MAPT: variants seen among roughly 807,000 people sequenced by gnomAD.
MAPT encodes microtubule-associated protein tau.
In MAPT, 34 loss-of-function variants were observed where a neutral mutation model predicts 67.9. The ratio of observed to expected loss-of-function variants is 0.50; its 90% CI spans 0.38 to 0.67. The LOEUF (loss-of-function observed/expected upper bound fraction) is 0.67, where lower values mean the gene tolerates loss of function less well. MAPT is among the 30% of genes least tolerant of loss of function. MAPT has a pLI of 0.00. For missense variants in MAPT, 881 were observed against 1,115.2 expected, an observed-to-expected ratio of 0.79 and a Z score of 2.99; for synonymous variants, 456 against 464.5, an observed-to-expected ratio of 0.98 and a Z score of 0.23.
chr17:46,014,292 G>A lies in MAPT; in HGVS notation c.2141G>A (p.Cys714Tyr), dbSNP rs1445626950. 6.2e-7 allele frequency: 1 copy of A among 1,613,968 alleles called. No individual in the cohort carries two copies. Among genetic ancestry groups the A allele is most frequent in the African/African-American group, 1.3e-5 (1 of 74,924 alleles). The change falls in exon 11 of 13, where the codon TGT (cysteine) becomes TAT (tyrosine). Residue 714 changes from cysteine to tyrosine, a missense_variant. Cys to Tyr is a radical substitution (Grantham distance 194). Transcript: ENST00000262410. The stretch of plus-strand genomic sequence containing the variant: ...GACCTGAGCAAGGTGACCTCCAAGT[G>A]TGGCTCATTAGGCAACATCCATCAT... ...PVDLSKVTSKCGSLGNIHHKP... is the reference protein window; with the variant it reads ...PVDLSKVTSKYGSLGNIHHKP...
chr17:45,961,322 A>G (rs1007766137), intron 1 of MAPT, among the ~76,000 whole-genome samples: 6 of 152,090 alleles, frequency 3.9e-5, no homozygotes, highest in Non-Finnish European at 8.8e-5. Context: ...GCTTTTGGGG[A>G]AGAAGGGTGT....
At position 45,996,503 on chromosome 17, in the gene MAPT, C is replaced by T. The variant is rs374286863; in HGVS notation, c.1837C>T (p.Arg613Trp). Residue 613 changes from arginine (R) to tryptophan (W), a missense_variant, in exon 9 of 13, where the codon CGG (arginine) becomes TGG (tryptophan). Arg to Trp is a moderately radical substitution (Grantham distance 101). Around this residue, in one of 6 missense-constraint regions of MAPT, gnomAD observed 33 missense variants for 76.0 expected, o/e 0.43. Coordinates refer to ENST00000262410, the MANE Select transcript of MAPT (RefSeq NM_001377265.1). The surrounding 1 kb of genome is among the most constrained non-coding windows in gnomAD (Gnocchi z 4.5). The stretch of plus-strand genomic sequence containing the variant: ...CCCGTCCCTTCCAACCCCACCCACC[C>T]GGGAGCCCAAGAAGGTGGCAGTGGT... The part of the protein sequence containing the change: ...RTPSLPTPPT[R>W]EPKKVAVVRT... 32 of 1,613,414 alleles carry T rather than the reference C, an allele frequency of 2.0e-5. No homozygotes were observed. The highest frequency in any genetic ancestry group is 3.3e-5 in the South Asian group (3 of 91,068).
rs561937705 is a variant in MAPT, at chr17:45,902,532, C to T, written c.-18+7846C>T. Among the ~76,000 whole-genome samples, 7 of 152,258 alleles carry T rather than the reference C, an allele frequency of 4.6e-5. No individual in the cohort carries two copies. The East Asian group carries it at 7.7e-4, about 17-fold the overall frequency. Reference sequence around the variant, plus strand: ...GACCCCAGCCTTGCATGTTTACAGACCTTCATGTCTTATTCTTACAGGGTA... The same window carrying T: ...GACCCCAGCCTTGCATGTTTACAGATCTTCATGTCTTATTCTTACAGGGTA... On this transcript the variant is annotated intron_variant, in intron 1 of 12. Transcript: ENST00000262410.
At position 45,997,530 on chromosome 17, in the gene MAPT, C is replaced by CA. The variant is rs571185156; in HGVS notation, c.1998+867dup. Among the ~76,000 whole-genome samples the CA allele has an allele frequency of 1.2e-4, 19 of 152,304 alleles. No individual in the cohort carries two copies. In the South Asian group the frequency reaches 3.9e-3, roughly 32 times the overall value. On this transcript the variant is annotated intron_variant, in intron 9 of 12. Transcript: ENST00000262410. The stretch of plus-strand genomic sequence containing the variant: ...ATCCCAGCACTTTGGGAGGCTGAGG[C>CA]AGGCAGATCACGAGGTCAGGAGTTC...
At chr17:45,962,236 T>G in intron 1 of MAPT, 85 bp from the exon 2 acceptor site, 2 of 1,147,450 alleles carry the variant, frequency 1.7e-6, no homozygotes, top group Non-Finnish European at 2.6e-6. Flanking sequence ...TGCCATGAAC[T>G]GGGAGGAGAG....
intron 1 of MAPT, among the ~76,000 whole-genome samples, chr17:45,914,548 A>G (rs778197455): frequency 1.4e-4 from 22 of 152,284 alleles, no homozygotes; most frequent in Non-Finnish European, 1.6e-4. Flanking sequence ...TCTGCGTGCA[A>G]GGAAGGCCAG....
intron 1 of MAPT, among the ~76,000 whole-genome samples, chr17:45,943,930 C>T (rs2144971274): frequency 6.6e-6 from 1 of 152,330 alleles, no homozygotes; most frequent in South Asian, 2.1e-4. Context: ...AGCTGCCTCT[C>T]ACCTCTTCCT....
chr17:45,943,811 T>G (rs937283758), intron 1 of MAPT, among the ~76,000 whole-genome samples: 1 of 152,194 alleles, frequency 6.6e-6, no homozygotes, highest in African/African-American at 2.4e-5. Context: ...CTGGAAGGAA[T>G]GAGGAACAGA....
At chr17:45,903,352 A>G (rs757965269) in intron 1 of MAPT, among the ~76,000 whole-genome samples, 18 of 152,138 alleles carry the variant, frequency 1.2e-4, no homozygotes, top group Non-Finnish European at 2.2e-4. Flanking sequence ...CAGTGGCACC[A>G]AACTATTGTC....
intron 1 of MAPT, among the ~76,000 whole-genome samples, chr17:45,907,312 G>C (rs149038243): frequency 6.6e-6 from 1 of 151,936 alleles, no homozygotes; most frequent in Non-Finnish European, 1.5e-5. Flanking sequence ...CATCTTCCCC[G>C]AAGCTTTCCC....
chr17:45,901,225 A>T lies in MAPT; in HGVS notation c.-18+6539A>T, dbSNP rs189871033. On this transcript the variant is annotated intron_variant, in intron 1 of 12. Coordinates refer to ENST00000262410, the MANE Select transcript of MAPT (RefSeq NM_001377265.1). ...TTCTTCCTGAAATCCACTCCATGCCAGGAATAAACTGCATGCTCTCCACCA... is the reference window on the plus strand; with the variant it reads ...TTCTTCCTGAAATCCACTCCATGCCTGGAATAAACTGCATGCTCTCCACCA... Among the ~76,000 whole-genome samples, 3 of 152,302 alleles carry T rather than the reference A, an allele frequency of 2.0e-5. No individual in the cohort carries two copies. In the East Asian group the frequency reaches 5.8e-4, roughly 29 times the overall value.
chr17:45,972,904 G>A (rs2071872293), intron 3 of MAPT: 1 of 152,340 alleles, frequency 6.6e-6, no homozygotes, highest in Non-Finnish European at 1.5e-5. Context: ...CTGCGAGCAA[G>A]GCTGGGACAT....
intron 3 of MAPT, chr17:45,974,243 C>T (rs1568261603): frequency 1.4e-6 from 1 of 695,968 alleles, no homozygotes; most frequent in Non-Finnish European, 2.6e-6. Context: ...GGCTCCGGGC[C>T]CTACTTCAGG....
chr17:45,903,952 T>TTTA (rs2063885678), intron 1 of MAPT, among the ~76,000 whole-genome samples: 2 of 13,208 alleles, frequency 1.5e-4, no homozygotes, highest in African/African-American at 2.9e-4. Flanking sequence ...ATAATATATA[T>TTTA]TATATATTAT....
At chr17:45,959,769 G>T (rs2070178078) in intron 1 of MAPT, among the ~76,000 whole-genome samples, 1 of 151,384 alleles carries the variant, frequency 6.6e-6, no homozygotes. Context: ...TGACAAGAGT[G>T]AAACTCCATC....
chr17:46,021,828 C>T (rs902147319), intron 12 of MAPT, among the ~76,000 whole-genome samples: 2 of 152,096 alleles, frequency 1.3e-5, no homozygotes, highest in African/African-American at 4.8e-5. Flanking sequence ...CAGGGCCCTG[C>T]CCCCTACTCA....
intron 9 of MAPT, among the ~76,000 whole-genome samples, chr17:46,009,681 C>G (rs1479611076): frequency 6.6e-6 from 1 of 152,214 alleles, no homozygotes; most frequent in Non-Finnish European, 1.5e-5. Context: ...TGTGTCCTGC[C>G]TACGGGGTCA....
At chr17:45,980,687 T>C (rs981027419) in intron 4 of MAPT, among the ~76,000 whole-genome samples, 1 of 152,122 alleles carries the variant, frequency 6.6e-6, no homozygotes, top group Admixed American at 6.5e-5. Context: ...TAGTGTTTCT[T>C]AAAGTCTTGT....
intron 1 of MAPT, among the ~76,000 whole-genome samples, chr17:45,917,680 C>T (rs1328610195): frequency 6.6e-6 from 1 of 152,048 alleles, no homozygotes; most frequent in Non-Finnish European, 1.5e-5. Flanking sequence ...TTCCCAATGA[C>T]AAATGCTGTA....
Sources: allele counts gnomAD v4.1 joint callset (sites outside exome capture counted in the v4.1 genomes callset), GRCh38; gene constraint gnomAD v4.1.1; regional missense constraint gnomAD v4.1.1; non-coding constraint Gnocchi (gnomAD v3.1); transcripts MANE v1.5; gene names NCBI Gene and HGNC (gene_info 2026-07-23, HGNC 2026-07-21).